Variants in KIF6 observed in about 807,000 individuals in gnomAD.
The protein encoded by KIF6 is kinesin family member 6, also known as kinesin-like protein KIF6.
A neutral mutation model predicts 112.7 loss-of-function variants in KIF6; 106 were observed. That is an observed-to-expected ratio of 0.94 (90% CI 0.80 to 1.11). KIF6 has a LOEUF of 1.11. KIF6 is among the 50% of genes least tolerant of loss of function. KIF6 has a pLI of 0.00. For missense variants in KIF6, 929 were observed against 964.0 expected (o/e 0.96, Z 0.48); for synonymous variants, 339 against 339.9 (o/e 1.00, Z 0.03).
intron 15 of KIF6, among the ~76,000 whole-genome samples, chr6:39,418,736 C>A (rs1276665843): frequency 6.6e-6 from 1 of 152,292 alleles, no homozygotes; most frequent in East Asian, 1.9e-4. Context: ...CTGCCTCAGC[C>A]CCTTCTGTCT....
chr6:39,487,226 T>C (rs1581960511), intron 13 of KIF6, among the ~76,000 whole-genome samples: 1 of 152,348 alleles, frequency 6.6e-6, no homozygotes, highest in African/African-American at 2.4e-5. Flanking sequence ...TGACAAACTA[T>C]ATACTACGTT....
chr6:39,345,692 C>A lies in KIF6; in HGVS notation c.2321+8G>T. The A allele has an allele frequency of 6.2e-7, 1 of 1,611,330 alleles. No homozygotes were observed. Among genetic ancestry groups the A allele is most frequent in the East Asian group, 2.2e-5 (1 of 44,848 alleles). Reference sequence around the variant, plus strand: ...CTGTCACAGGCATAACAGGAGAAGACCACAGACCTGTCTTCCAGTGGGGTG... The same window carrying A: ...CTGTCACAGGCATAACAGGAGAAGAACACAGACCTGTCTTCCAGTGGGGTG... On this transcript the variant is annotated splice_region_variant and intron_variant, in intron 21 of 22. Coordinates refer to ENST00000287152, the MANE Select transcript of KIF6 (RefSeq NM_145027.6).
chr6:39,450,526 C>T (rs1185038345), intron 13 of KIF6, among the ~76,000 whole-genome samples: 3 of 152,112 alleles, frequency 2.0e-5, no homozygotes, highest in Non-Finnish European at 4.4e-5. Context: ...CAAGAAAGGC[C>T]GGGCACAGTG....
chr6:39,531,319 A>T (rs1778047759), intron 13 of KIF6, among the ~76,000 whole-genome samples: 1 of 152,224 alleles, frequency 6.6e-6, no homozygotes, highest in African/African-American at 2.4e-5. Context: ...AGGGAGGAAA[A>T]GAGTTACTGA....
At chr6:39,571,532 G>A (rs1470341723) in intron 10 of KIF6, among the ~76,000 whole-genome samples, 13 of 152,108 alleles carry the variant, frequency 8.5e-5, no homozygotes, top group African/African-American at 2.9e-4. Flanking sequence ...CTCCATGAGG[G>A]CAAGAACATT....
chr6:39,407,364 T>G (rs970859308), intron 15 of KIF6, among the ~76,000 whole-genome samples: 1 of 152,246 alleles, frequency 6.6e-6, no homozygotes, highest in Admixed American at 6.5e-5. Flanking sequence ...AAGATGCCCC[T>G]TGATGTCTTT....
chr6:39,428,197 C>T (rs1770900415), intron 14 of KIF6, among the ~76,000 whole-genome samples: 1 of 152,132 alleles, frequency 6.6e-6, no homozygotes, highest in African/African-American at 2.4e-5. Context: ...TCTGGGGAGT[C>T]AGGGCCAGGC....
chr6:39,714,764 A>G lies in KIF6; in HGVS notation c.179T>C (p.Phe60Ser). Reference protein sequence around the residue: ...NNKRESYKFKFQRIFDQDANQ... With the variant: ...NNKRESYKFKSQRIFDQDANQ... The stretch of plus-strand genomic sequence containing the variant: ...TGCATCCTGATCAAAAATTCTTTGA[A>G]ATCTGCAATGTGAAAAATAGTAATT... Residue 60 changes from phenylalanine (F) to serine (S), a missense_variant and splice_region_variant, in exon 3 of 23, where the codon TTT becomes TCT. Phe to Ser is a radical substitution (Grantham distance 155). Coordinates refer to ENST00000287152, the MANE Select transcript of KIF6 (RefSeq NM_145027.6). The G allele has an allele frequency of 6.2e-7, 1 of 1,602,096 alleles. No individual in the cohort carries two copies. Among genetic ancestry groups the G allele is most frequent in the South Asian group, 1.1e-5 (1 of 90,728 alleles).
At chr6:39,345,997 G>A (rs562617359) in intron 20 of KIF6, among the ~76,000 whole-genome samples, 5 of 139,526 alleles carry the variant, frequency 3.6e-5, no homozygotes, top group Admixed American at 7.0e-5. Context: ...TAGGGCCCCT[G>A]CACTGGGATT....
intron 13 of KIF6, among the ~76,000 whole-genome samples, chr6:39,461,575 TATA>T (rs979083047): frequency 6.6e-6 from 1 of 152,176 alleles, no homozygotes; most frequent in African/African-American, 2.4e-5. Flanking sequence ...ATATCAAAAA[TATA>T]ATTTCAACAT....
intron 13 of KIF6, among the ~76,000 whole-genome samples, chr6:39,474,291 T>C (rs1419312121): frequency 2.0e-5 from 3 of 152,234 alleles, no homozygotes; most frequent in African/African-American, 7.2e-5. Context: ...TCCACAGGGC[T>C]ATTTGAAATA....
intron 10 of KIF6, among the ~76,000 whole-genome samples, chr6:39,569,683 T>G (rs570946589): frequency 1.3e-5 from 2 of 152,194 alleles, no homozygotes; most frequent in Non-Finnish European, 2.9e-5. Context: ...ACTTCCTATA[T>G]AAAATCTTTC....
intron 13 of KIF6, among the ~76,000 whole-genome samples, chr6:39,479,724 C>T (rs1774680476): frequency 6.6e-6 from 1 of 152,116 alleles, no homozygotes; most frequent in African/African-American, 2.4e-5. Flanking sequence ...TCTATCCATC[C>T]ATGAGCATGG....
intron 4 of KIF6, among the ~76,000 whole-genome samples, chr6:39,637,768 T>C (rs1478686935): frequency 6.6e-6 from 1 of 152,048 alleles, no homozygotes; most frequent in Non-Finnish European, 1.5e-5. Flanking sequence ...TGTTTGATTA[T>C]AATGAATGTG....
chr6:39,497,537 C>A (rs1472683234), intron 13 of KIF6, among the ~76,000 whole-genome samples: 1 of 152,144 alleles, frequency 6.6e-6, no homozygotes, highest in Non-Finnish European at 1.5e-5. Flanking sequence ...TCAACTGTAG[C>A]ACAAAGCCCA....
chr6:39,553,656 T>C (rs943484416), intron 10 of KIF6, among the ~76,000 whole-genome samples: 5 of 152,218 alleles, frequency 3.3e-5, no homozygotes, highest in Admixed American at 6.5e-5. Flanking sequence ...AGTTATACGA[T>C]TGATTTTGTT....
At chr6:39,517,070 G>A (rs1260323828) in intron 13 of KIF6, among the ~76,000 whole-genome samples, 2 of 152,084 alleles carry the variant, frequency 1.3e-5, no homozygotes, top group East Asian at 3.9e-4. Flanking sequence ...TCTAGGAAAC[G>A]GGCATCCATA....
chr6:39,346,528 T>C lies in KIF6; in HGVS notation c.2181-2A>G, dbSNP rs1455528603. On this transcript the variant is annotated splice_acceptor_variant, in intron 19 of 22. Transcript: ENST00000287152. LOFTEE classifies it high-confidence loss of function. Reference sequence around the variant, plus strand: ...TCTTGGACTTCCCAGCCTCCAGAACTGTGAAAAATAAACGTTTGTTGTTTG... The same window carrying C: ...TCTTGGACTTCCCAGCCTCCAGAACCGTGAAAAATAAACGTTTGTTGTTTG... 1 of 709,346 alleles carries C rather than the reference T, an allele frequency of 1.4e-6. No homozygotes were observed. The highest frequency in any genetic ancestry group is 1.5e-5 in the South Asian group (1 of 66,374). The allele number at this position is 709,346 out of a possible 1,614,324, so 43.9% of individuals were successfully genotyped here.
chr6:39,538,660 C>G (rs76653327), intron 13 of KIF6, among the ~76,000 whole-genome samples: 52 of 146,660 alleles, frequency 3.5e-4, no homozygotes, highest in Non-Finnish European at 4.8e-4. Context: ...TCAGTGTGGC[C>G]ATTCCTCAGG....
Sources: allele counts gnomAD v4.1 joint callset (sites outside exome capture counted in the v4.1 genomes callset), GRCh38; gene constraint gnomAD v4.1.1; transcripts MANE v1.5; gene names NCBI Gene and HGNC (gene_info 2026-07-23, HGNC 2026-07-21).